The following RASGEF1C variants were observed in gnomAD, a reference collection of about 807,000 sequenced individuals.
The protein encoded by RASGEF1C is ras-GEF domain-containing family member 1C.
In RASGEF1C, 27 loss-of-function variants were observed where a neutral mutation model predicts 58.1. The ratio of observed to expected loss-of-function variants is 0.46; its 90% CI spans 0.34 to 0.64. The LOEUF (loss-of-function observed/expected upper bound fraction) is 0.64, where lower values mean the gene tolerates loss of function less well. RASGEF1C is among the 30% of genes least tolerant of loss of function. RASGEF1C has a pLI of 0.01. For missense variants in RASGEF1C, 502 were observed against 605.1 expected, an observed-to-expected ratio of 0.83 and a Z score of 1.79; for synonymous variants, 243 against 246.3, an observed-to-expected ratio of 0.99 and a Z score of 0.13.
Position 180,177,376 on chromosome 5 carries a change from T to G in RASGEF1C, c.-7+31652A>C, listed in dbSNP as rs549251408. 4.5e-4 allele frequency among the ~76,000 whole-genome samples: 68 copies of G among 152,164 alleles called. No individual in the cohort carries two copies. Among genetic ancestry groups the G allele is most frequent in the Non-Finnish European group, 9.1e-4 (62 of 68,034 alleles). On this transcript the variant is annotated intron_variant, in intron 1 of 13. Transcript: ENST00000361132. This position sits in a 1 kb window ranked among gnomAD's most constrained non-coding sequence, Gnocchi z 5.0. ...TCATCGGCTCCATTTTTAACCTTCC[T>G]TAGTCCCAGCAGCCCCAGCAAAAGC...
At chr5:180,169,840 C>T (rs1185599547) in intron 1 of RASGEF1C, among the ~76,000 whole-genome samples, 6 of 147,450 alleles carry the variant, frequency 4.1e-5, no homozygotes, top group African/African-American at 1.2e-4. Context: ...CTCAGTTCTC[C>T]CCTCGCCCTC....
Position 180,155,694 on chromosome 5 carries a change from T to C in RASGEF1C, c.-6-17636A>G, listed in dbSNP as rs1225475298. 6.6e-6 allele frequency among the ~76,000 whole-genome samples: 1 copy of C among 151,876 alleles called. No individual in the cohort carries two copies. Among genetic ancestry groups the C allele is most frequent in the Non-Finnish European group, 1.5e-5 (1 of 67,980 alleles). On this transcript the variant is annotated intron_variant, in intron 1 of 13. Coordinates refer to ENST00000361132, the MANE Select transcript of RASGEF1C (RefSeq NM_175062.4). This position sits in a 1 kb window ranked among gnomAD's most constrained non-coding sequence, Gnocchi z 5.2. Reference sequence around the variant, plus strand: ...GCAAGTCAGCCTCTCTCCCGCTCCGTCTTCCATCCTGTCCCTTACTCTTGG... The same window carrying C: ...GCAAGTCAGCCTCTCTCCCGCTCCGCCTTCCATCCTGTCCCTTACTCTTGG...
At chr5:180,112,694 C>G (rs1289308830) in intron 11 of RASGEF1C, among the ~76,000 whole-genome samples, 1 of 152,150 alleles carries the variant, frequency 6.6e-6, no homozygotes, top group Non-Finnish European at 1.5e-5. Context: ...ATGGCATGCT[C>G]TGTCTGACTC....
chr5:180,173,779 G>T (rs371437213), intron 1 of RASGEF1C, among the ~76,000 whole-genome samples: 5 of 151,760 alleles, frequency 3.3e-5, no homozygotes, highest in South Asian at 4.2e-4. Flanking sequence ...TGGGCGTGGT[G>T]GTGGGCGCCT....
chr5:180,104,715 T>C (rs1037410619), intron 12 of RASGEF1C, among the ~76,000 whole-genome samples: 8 of 152,348 alleles, frequency 5.3e-5, no homozygotes, highest in South Asian at 2.1e-4. Context: ...GCCTGTAGAC[T>C]TCATTTTTGG....
intron 1 of RASGEF1C, among the ~76,000 whole-genome samples, chr5:180,187,569 A>G (rs1429901337): frequency 1.3e-5 from 2 of 152,222 alleles, no homozygotes; most frequent in African/African-American, 4.8e-5. Context: ...AAATCTAAAT[A>G]AATGGAAAGA....
At chr5:180,128,723 T>G in intron 4 of RASGEF1C, 113 bp from the exon 5 acceptor site, 1 of 1,075,256 alleles carries the variant, frequency 9.3e-7, no homozygotes, top group Non-Finnish European at 1.4e-6. Flanking sequence ...TCAGGGTCTC[T>G]GGAGAAAAGG....
intron 4 of RASGEF1C, among the ~76,000 whole-genome samples, chr5:180,135,036 G>A (rs75695280): frequency 0.076 from 9,070 of 120,084 alleles, 591 homozygotes; most frequent in African/African-American, 0.17. Flanking sequence ...TCCCGTTTCC[G>A]CTGTCCCCAC....
intron 1 of RASGEF1C, among the ~76,000 whole-genome samples, chr5:180,150,142 ACCT>A (rs1431410247): frequency 6.6e-6 from 1 of 151,698 alleles, no homozygotes. Context: ...TCTTTCTTTG[ACCT>A]CCTCAGATCT....
At chr5:180,115,869 G>T (rs774108079) in intron 10 of RASGEF1C, among the ~76,000 whole-genome samples, 22 of 152,124 alleles carry the variant, frequency 1.4e-4, no homozygotes, top group Non-Finnish European at 2.1e-4. Context: ...TCAGTGGTGG[G>T]GGGGGATTGT....
chr5:180,133,626 G>A (rs534579076), intron 4 of RASGEF1C, among the ~76,000 whole-genome samples: 4 of 150,562 alleles, frequency 2.7e-5, no homozygotes, highest in South Asian at 4.1e-4. Flanking sequence ...AGATAATGCC[G>A]AAATATTTTG....
chr5:180,186,848 G>A (rs114873609), intron 1 of RASGEF1C, among the ~76,000 whole-genome samples: 4,262 of 152,172 alleles, frequency 0.028, 191 homozygotes, highest in African/African-American at 0.098. Flanking sequence ...TGCCTGTAAT[G>A]CCAGCTTCTC....
chr5:180,179,769 C>T (rs945672367), intron 1 of RASGEF1C, among the ~76,000 whole-genome samples: 4 of 152,292 alleles, frequency 2.6e-5, no homozygotes, highest in East Asian at 1.9e-4. Context: ...CACTATGCTT[C>T]GGATGAATGG....
intron 10 of RASGEF1C, among the ~76,000 whole-genome samples, chr5:180,115,609 G>A (rs1303768074): frequency 6.6e-6 from 1 of 152,196 alleles, no homozygotes; most frequent in East Asian, 1.9e-4. Context: ...TGCTCCCACA[G>A]AGCCCGCTAC....
intron 1 of RASGEF1C, among the ~76,000 whole-genome samples, chr5:180,189,145 A>G (rs1437798347): frequency 1.3e-5 from 2 of 152,260 alleles, no homozygotes; most frequent in African/African-American, 4.8e-5. Context: ...ATTTCTACCT[A>G]TCAGCAACAA....
chr5:180,130,394 G>A (rs1400584378), intron 4 of RASGEF1C, among the ~76,000 whole-genome samples: 1 of 152,208 alleles, frequency 6.6e-6, no homozygotes, highest in Non-Finnish European at 1.5e-5. Context: ...GGAAGATGGG[G>A]AGTGGGGCGC....
intron 4 of RASGEF1C, among the ~76,000 whole-genome samples, chr5:180,130,063 C>T (rs529511505): frequency 6.6e-6 from 1 of 152,270 alleles, no homozygotes; most frequent in Admixed American, 6.5e-5. Context: ...CACTGTGTGC[C>T]CAGAGCAGGG....
chr5:180,119,021 T>C (rs1237367437), intron 8 of RASGEF1C, among the ~76,000 whole-genome samples, 155 bp from the exon 9 acceptor site: 1 of 152,188 alleles, frequency 6.6e-6, no homozygotes, highest in African/African-American at 2.4e-5. Context: ...GTGGACATCA[T>C]GGTCAGGTAG....
rs745438458 is a variant in RASGEF1C at position 180,137,585 on chromosome 5, C to T, written c.300+5G>A. On this transcript the variant is annotated splice_donor_5th_base_variant and intron_variant, in intron 3 of 13. Coordinates refer to ENST00000361132, the MANE Select transcript of RASGEF1C (RefSeq NM_175062.4). This position sits in a 1 kb window ranked among gnomAD's most constrained non-coding sequence, Gnocchi z 4.1. ...TGAGACCCCCTGGCCTGCCCTCCGC[C>T]TCACCTTGTCCAGCACCGGCTTGTC... The T allele has an allele frequency of 4.3e-6, 7 of 1,610,516 alleles. No individual in the cohort carries two copies. The highest frequency in any genetic ancestry group is 5.9e-6 in the Non-Finnish European group (7 of 1,179,306).
Sources: gnomAD v4.1 joint callset for allele counts (sites outside exome capture counted in the v4.1 genomes callset) on GRCh38, gnomAD v4.1.1 for gene constraint, Gnocchi (gnomAD v3.1) non-coding constraint, MANE v1.5 for transcripts, NCBI Gene and HGNC (gene_info 2026-07-23, HGNC 2026-07-21) for gene names.